The following PARD3 variants were observed in gnomAD, a reference collection of about 807,000 sequenced individuals.
PARD3 encodes the protein partitioning defective 3 homolog.
PARD3 carries 75 observed loss-of-function variants against 155.4 expected under a neutral mutation model. The ratio of observed to expected loss-of-function variants is 0.48; its 90% CI spans 0.40 to 0.58. The LOEUF is 0.58. Ranked by LOEUF, PARD3 falls within the 20% of genes least tolerant of loss-of-function variation. The probability of loss-of-function intolerance (pLI) is 0.00; values close to 1 mark genes in which losing one functional copy is unlikely to be tolerated. For missense variants in PARD3, 1,642 were observed against 1,721.7 expected (o/e 0.95, Z 0.82); for synonymous variants, 576 against 610.5 (o/e 0.94, Z 0.83).
intron 14 of PARD3, among the ~76,000 whole-genome samples, chr10:34,353,488 GT>G (rs1838422446): frequency 6.6e-6 from 1 of 152,186 alleles, no homozygotes; most frequent in Non-Finnish European, 1.5e-5. Context: ...GGTGCAAGAT[GT>G]GCTTTGTTAA....
At chr10:34,534,565 T>C (rs1214766984) in intron 2 of PARD3, among the ~76,000 whole-genome samples, 1 of 152,152 alleles carries the variant, frequency 6.6e-6, no homozygotes, top group East Asian at 1.9e-4. Context: ...CCACAGGAAG[T>C]TGCCATAAAC....
intron 22 of PARD3, among the ~76,000 whole-genome samples, chr10:34,174,210 A>G (rs1459357859): frequency 6.6e-6 from 1 of 152,192 alleles, no homozygotes; most frequent in African/African-American, 2.4e-5. Flanking sequence ...CTCAAAACAG[A>G]CTTTCGGAAA....
chr10:34,411,198 C>T (rs1033623446), intron 5 of PARD3, among the ~76,000 whole-genome samples: 6 of 152,062 alleles, frequency 3.9e-5, no homozygotes, highest in African/African-American at 1.2e-4. Context: ...ACACACATAC[C>T]CCTTATTCCC....
intron 5 of PARD3, among the ~76,000 whole-genome samples, chr10:34,417,605 G>T (rs2132380627): frequency 6.6e-6 from 1 of 152,024 alleles, no homozygotes; most frequent in African/African-American, 2.4e-5. Flanking sequence ...CGATTGTTTG[G>T]GTTTATTTTG....
At position 34,131,440 on chromosome 10, in the gene PARD3, G is replaced by A. The variant is rs116214419; in HGVS notation, c.3540+23C>T. On this transcript the variant is annotated intron_variant, in intron 23 of 24. Transcript: ENST00000374788. ...CAGGGAAGTTGTAGGACCATTCACC[G>A]TGCTGAAGAACCAATTACTTACCCA... 8.6e-4 allele frequency: 1,380 copies of A among 1,613,432 alleles called. 14 individuals are homozygous for A. In the African/African-American group the frequency reaches 0.016, roughly 18 times the overall value.
At chr10:34,782,403 C>A (rs1840347158) in intron 1 of PARD3, among the ~76,000 whole-genome samples, 1 of 152,200 alleles carries the variant, frequency 6.6e-6, no homozygotes, top group Non-Finnish European at 1.5e-5. Flanking sequence ...CAGAGGTGCT[C>A]AACCAGCCTT....
At chr10:34,563,161 T>G (rs956083865) in intron 2 of PARD3, among the ~76,000 whole-genome samples, 1 of 152,228 alleles carries the variant, frequency 6.6e-6, no homozygotes, top group African/African-American at 2.4e-5. Flanking sequence ...AATCATTCAT[T>G]CTTCTACATA....
intron 22 of PARD3, among the ~76,000 whole-genome samples, chr10:34,149,324 C>T (rs1948671782): frequency 6.6e-6 from 1 of 151,968 alleles, no homozygotes; most frequent in Non-Finnish European, 1.5e-5. Context: ...CTTGTATTCA[C>T]AAAATTCTCT....
chr10:34,325,566 C>T (rs1462632167), intron 19 of PARD3, among the ~76,000 whole-genome samples: 1 of 151,976 alleles, frequency 6.6e-6, no homozygotes. Context: ...TTACACACTA[C>T]AATGGAACTG....
chr10:34,469,843 CA>C (rs940715442), intron 4 of PARD3, among the ~76,000 whole-genome samples: 7 of 151,894 alleles, frequency 4.6e-5, no homozygotes, highest in Non-Finnish European at 1.0e-4. Flanking sequence ...GGAATCTATT[CA>C]AAAAATGGAT....
intron 1 of PARD3, among the ~76,000 whole-genome samples, chr10:34,736,123 C>A (rs2094909491): frequency 6.6e-6 from 1 of 152,058 alleles, no homozygotes; most frequent in Non-Finnish European, 1.5e-5. Flanking sequence ...GCTCCACCTC[C>A]CGGGTTCACG....
At chr10:34,728,555 C>A (rs949777495) in intron 1 of PARD3, among the ~76,000 whole-genome samples, 2 of 152,210 alleles carry the variant, frequency 1.3e-5, no homozygotes, top group African/African-American at 4.8e-5. Context: ...CCACTTTAAA[C>A]TGACACACTT....
At chr10:34,197,909 T>C (rs767239029) in intron 22 of PARD3, among the ~76,000 whole-genome samples, 6 of 152,178 alleles carry the variant, frequency 3.9e-5, no homozygotes, top group East Asian at 1.9e-4. Context: ...TTTGTATTTT[T>C]AGTAGAGACA....
At chr10:34,672,896 A>G (rs79517683) in intron 2 of PARD3, among the ~76,000 whole-genome samples, 1,890 of 152,356 alleles carry the variant, frequency 0.012, 37 homozygotes, top group African/African-American at 0.043. Flanking sequence ...GAATACGGGT[A>G]AAACTTAAAG....
At chr10:34,405,073 AACACAAACAC>A (rs1272339810) in intron 5 of PARD3, among the ~76,000 whole-genome samples, 3,431 of 136,170 alleles carry the variant, frequency 0.025, 131 homozygotes, top group African/African-American at 0.093. Context: ...CCCCATCACA[AACACAAACAC>A]ACACACACAC....
intron 1 of PARD3, among the ~76,000 whole-genome samples, chr10:34,768,354 T>TAACTCGAAGCAAAGCCGGGAC (rs1838387319): frequency 7.7e-6 from 1 of 129,540 alleles, no homozygotes; most frequent in Admixed American, 7.6e-5. Context: ...AAAGGCGGGA[T>TAACTCGAAGCAAAGCCGGGAC]AACTCGAAGC....
intron 2 of PARD3, among the ~76,000 whole-genome samples, chr10:34,592,411 G>A (rs1332211631): frequency 6.6e-6 from 1 of 152,152 alleles, no homozygotes; most frequent in Non-Finnish European, 1.5e-5. Context: ...TGTAATATTA[G>A]AATGCATTCT....
At chr10:34,343,750 A>G in intron 15 of PARD3, 1 of 985,002 alleles carries the variant, frequency 1.0e-6, no homozygotes, top group African/African-American at 1.7e-5. Flanking sequence ...CTATGACTTG[A>G]GAAGGCTTCA....
intron 5 of PARD3, among the ~76,000 whole-genome samples, chr10:34,440,644 T>C (rs574901779): frequency 6.6e-6 from 1 of 152,302 alleles, no homozygotes; most frequent in South Asian, 2.1e-4. Flanking sequence ...GTAAAATTTC[T>C]AACTTACTTC....
Sources: gnomAD v4.1 joint callset for allele counts (sites outside exome capture counted in the v4.1 genomes callset) on GRCh38, gnomAD v4.1.1 for gene constraint, MANE v1.5 for transcripts, NCBI Gene and HGNC (gene_info 2026-07-23, HGNC 2026-07-21) for gene names.